Variants in DNAJC6 observed in about 807,000 individuals in gnomAD.
The protein encoded by DNAJC6 is auxilin.
A neutral mutation model predicts 110.0 loss-of-function variants in DNAJC6; 34 were observed. The observed-to-expected ratio is 0.31, with a 90% CI of 0.24 to 0.41. DNAJC6 has a LOEUF of 0.41. Ranked by LOEUF, DNAJC6 falls within the 10% of genes least tolerant of loss-of-function variation. The probability of loss-of-function intolerance (pLI) is 1.00; values close to 1 mark genes in which losing one functional copy is unlikely to be tolerated. For synonymous variants in DNAJC6, 406 were observed against 437.2 expected, an observed-to-expected ratio of 0.93 and a Z score of 0.89; for missense variants, 1,031 against 1,207.8, an observed-to-expected ratio of 0.85 and a Z score of 2.17.
At chr1:65,296,551 C>T (rs538868732) in intron 1 of DNAJC6, among the ~76,000 whole-genome samples, 9 of 152,012 alleles carry the variant, frequency 5.9e-5, no homozygotes, top group African/African-American at 2.2e-4. Context: ...ACTGACTCTG[C>T]CCAGTGGCAG....
At chr1:65,411,796 C>G (rs9436292) in intron 18 of DNAJC6, among the ~76,000 whole-genome samples, 1,670 of 151,938 alleles carry the variant, frequency 0.011, 30 homozygotes, top group African/African-American at 0.038. Context: ...ATGACAAAAC[C>G]CCGTCCCTAC....
chr1:65,332,282 A>T (rs967472928), intron 1 of DNAJC6, among the ~76,000 whole-genome samples: 8 of 152,218 alleles, frequency 5.3e-5, no homozygotes, highest in African/African-American at 1.9e-4. Flanking sequence ...GGAAGGGGCA[A>T]TGGAAACCTT....
chr1:65,364,759 T>C lies in DNAJC6; in HGVS notation c.318T>C (p.Ser106=). 1 of 1,613,248 alleles carries C rather than the reference T, an allele frequency of 6.2e-7. No homozygotes were observed. Among genetic ancestry groups the C allele is most frequent in the Non-Finnish European group, 8.5e-7 (1 of 1,179,406 alleles). The stretch of plus-strand genomic sequence containing the variant: ...TGAAAGACACCCTCAAAGACACATC[T>C]TCTAGAGTGATACAATCTGTGACCA... ...DNLKDTLKDT[S]SRVIQSVTSY... Residue 106 remains serine (S), a synonymous_variant, in exon 2 of 19, where the codon TCT becomes TCC. Coordinates refer to ENST00000371069, the MANE Select transcript of DNAJC6 (RefSeq NM_001256864.2).
At chr1:65,270,223 G>A (rs1332001079) in intron 1 of DNAJC6, among the ~76,000 whole-genome samples, 2 of 152,000 alleles carry the variant, frequency 1.3e-5, no homozygotes, top group East Asian at 1.9e-4. Flanking sequence ...TTTGCATATT[G>A]AAATACATGT....
chr1:65,380,911 GTTTTGTTTTGT>G (rs1465307751), intron 5 of DNAJC6, among the ~76,000 whole-genome samples: 4 of 114,898 alleles, frequency 3.5e-5, no homozygotes, highest in African/African-American at 1.7e-4. Flanking sequence ...TTTGTTTTTT[GTTTTGTTTTGT>G]TTTTTTTTTT....
In DNAJC6 at chr1:65,414,710, T is replaced by A. The variant is rs575287546; in HGVS notation, c.*1685T>A. 4.6e-5 allele frequency: 7 copies of A among 152,784 alleles called. No homozygotes were observed. The highest frequency in any genetic ancestry group is 1.7e-4 in the African/African-American group (7 of 41,574). The allele number at this position is 152,784 out of a possible 1,614,324, so 9.5% of individuals were successfully genotyped here. On this transcript the variant is annotated 3_prime_UTR_variant, in exon 19 of 19. Coordinates refer to ENST00000371069, the MANE Select transcript of DNAJC6 (RefSeq NM_001256864.2). ...AGTCATAAACTGTTCAAGGTAACCA[T>A]AACAAACTAGGTGTTATTTATTAAC...
chr1:65,377,976 T>C (rs1418250033), intron 4 of DNAJC6, among the ~76,000 whole-genome samples: 1 of 151,986 alleles, frequency 6.6e-6, no homozygotes, highest in African/African-American at 2.4e-5. Flanking sequence ...AAACTTGGAG[T>C]TCAGGCTTGA....
chr1:65,277,241 T>G (rs1274356733), intron 1 of DNAJC6, among the ~76,000 whole-genome samples: 1 of 152,116 alleles, frequency 6.6e-6, no homozygotes, highest in East Asian at 1.9e-4. Flanking sequence ...ATAAAGGATA[T>G]ATGTTGATTT....
Position 65,398,517 on chromosome 1 carries a change from G to A in DNAJC6, c.2039-296G>A, listed in dbSNP as rs551033343. On this transcript the variant is annotated intron_variant, in intron 13 of 18. Transcript: ENST00000371069. Reference sequence around the variant, plus strand: ...GACAATTGAATGGAGACAGACACATGCTCAATGATAACTCAAAGCGTGTGG... The same window carrying A: ...GACAATTGAATGGAGACAGACACATACTCAATGATAACTCAAAGCGTGTGG... 2.0e-5 allele frequency among the ~76,000 whole-genome samples: 3 copies of A among 152,312 alleles called. No homozygotes were observed. In the East Asian group the frequency reaches 5.8e-4, roughly 29 times the overall value.
chr1:65,361,579 A>G (rs752174337), intron 1 of DNAJC6, among the ~76,000 whole-genome samples: 1 of 152,222 alleles, frequency 6.6e-6, no homozygotes, highest in South Asian at 2.1e-4. Flanking sequence ...AATTACCAAA[A>G]TAGGACCAAA....
At chr1:65,375,273 A>T (rs1389122226) in intron 4 of DNAJC6, among the ~76,000 whole-genome samples, 7 of 151,890 alleles carry the variant, frequency 4.6e-5, no homozygotes, top group Non-Finnish European at 7.4e-5. Flanking sequence ...CCTCATGAGG[A>T]TTTTTATCAT....
intron 17 of DNAJC6, among the ~76,000 whole-genome samples, chr1:65,409,903 T>C (rs946687105): frequency 2.0e-5 from 3 of 152,174 alleles, no homozygotes; most frequent in Non-Finnish European, 4.4e-5. Flanking sequence ...TTTTTAAGTT[T>C]GCAATTCAGC....
chr1:65,342,947 T>C (rs560569250), intron 1 of DNAJC6, among the ~76,000 whole-genome samples: 13 of 152,332 alleles, frequency 8.5e-5, no homozygotes, highest in African/African-American at 3.1e-4. Context: ...TTCTTGTGCA[T>C]TCTCAATTTT....
At chr1:65,405,795 A>C (rs1646069840) in intron 15 of DNAJC6, 75 bp from the exon 16 acceptor site, 4 of 1,496,318 alleles carry the variant, frequency 2.7e-6, no homozygotes, top group Non-Finnish European at 3.6e-6. Context: ...AAGCCACTGC[A>C]AACAGTGTCT....
intron 2 of DNAJC6, 88 bp downstream of exon 2, chr1:65,364,873 G>A (rs1645631422): frequency 6.6e-7 from 1 of 1,511,474 alleles, no homozygotes; most frequent in Admixed American, 2.0e-5. Flanking sequence ...GGCTCAAAGA[G>A]TGTCAATTTT....
intron 1 of DNAJC6, among the ~76,000 whole-genome samples, chr1:65,350,851 G>C (rs928535968): frequency 6.6e-6 from 1 of 152,160 alleles, no homozygotes; most frequent in Admixed American, 6.6e-5. Flanking sequence ...ACATATGCCA[G>C]CATTTATAAC....
intron 1 of DNAJC6, among the ~76,000 whole-genome samples, chr1:65,332,719 GT>G (rs201735759): frequency 6.6e-6 from 1 of 151,914 alleles, no homozygotes; most frequent in Non-Finnish European, 1.5e-5. Context: ...AATTGACAGT[GT>G]TTTTTTTGTT....
chr1:65,325,375 A>C (rs1438846045), intron 1 of DNAJC6, among the ~76,000 whole-genome samples: 2 of 152,206 alleles, frequency 1.3e-5, no homozygotes, highest in African/African-American at 4.8e-5. Flanking sequence ...TCAGATGTGG[A>C]TCTCTGCTGC....
chr1:65,274,673 A>G (rs1201967531), intron 1 of DNAJC6, among the ~76,000 whole-genome samples: 3 of 152,090 alleles, frequency 2.0e-5, no homozygotes, highest in Non-Finnish European at 4.4e-5. Flanking sequence ...AGAAGCAGCC[A>G]TAAGTGAATT....
Sources: gnomAD v4.1 joint callset for allele counts (sites outside exome capture counted in the v4.1 genomes callset) on GRCh38, gnomAD v4.1.1 for gene constraint, MANE v1.5 for transcripts, NCBI Gene and HGNC (gene_info 2026-07-23, HGNC 2026-07-21) for gene names.